Variants in GTF3C1 observed in about 807,000 individuals in gnomAD.
The protein encoded by GTF3C1 is general transcription factor 3C polypeptide 1.
In GTF3C1, 57 loss-of-function variants were observed where a neutral mutation model predicts 226.7. The ratio of observed to expected loss-of-function variants is 0.25; its 90% CI spans 0.20 to 0.31. GTF3C1 has a LOEUF of 0.31. Ranked by LOEUF, GTF3C1 falls within the 10% of genes least tolerant of loss-of-function variation. GTF3C1 has a pLI of 1.00. For missense variants in GTF3C1, 2,217 were observed against 2,776.1 expected (o/e 0.80, Z 4.53); for synonymous variants, 1,090 against 1,084.8 (o/e 1.00, Z -0.09).
At chr16:27,536,941 C>T (rs1211237623) in intron 4 of GTF3C1, among the ~76,000 whole-genome samples, 3 of 152,212 alleles carry the variant, frequency 2.0e-5, no homozygotes, top group Non-Finnish European at 4.4e-5. Context: ...AATTAGGTCA[C>T]CCCAATGGCA....
intron 7 of GTF3C1, among the ~76,000 whole-genome samples, 177 bp from the exon 8 acceptor site, chr16:27,508,832 A>C (rs928087338): frequency 6.6e-6 from 1 of 152,200 alleles, no homozygotes; most frequent in Admixed American, 6.5e-5. Context: ...CAAGCCTCTG[A>C]GTAATATACT....
At chr16:27,532,634 T>C (rs2088935464) in intron 5 of GTF3C1, among the ~76,000 whole-genome samples, 1 of 152,044 alleles carries the variant, frequency 6.6e-6, no homozygotes, top group Non-Finnish European at 1.5e-5. Context: ...CCCTGCGTCC[T>C]CTCCCCTCCC....
chr16:27,487,983 G>A (rs1004205630), intron 23 of GTF3C1, among the ~76,000 whole-genome samples: 8 of 152,108 alleles, frequency 5.3e-5, no homozygotes, highest in African/African-American at 1.7e-4. Context: ...CCTAAAGTCA[G>A]AAGCTCTAAA....
intron 11 of GTF3C1, among the ~76,000 whole-genome samples, chr16:27,502,614 C>T (rs1040060384): frequency 6.6e-6 from 1 of 152,208 alleles, no homozygotes; most frequent in Non-Finnish European, 1.5e-5. Flanking sequence ...GTCATTTTCT[C>T]TCTGTCTAGC....
At position 27,478,754 on chromosome 16, in the gene GTF3C1, CGACA is replaced by C. The variant is rs2087993052; in HGVS notation, c.4197-227_4197-224del. Among the ~76,000 whole-genome samples the C allele has an allele frequency of 2.6e-5, 4 of 151,172 alleles. 1 individual carries two copies. Among genetic ancestry groups the C allele is most frequent in the Admixed American group, 2.6e-4 (4 of 15,150 alleles). ...GAGAAAATGTGCAATGTTCACTCAC[CGACA>C]ATTATGTGGCAACACGGAAAAATGT... On this transcript the variant is annotated intron_variant, in intron 27 of 36. Transcript: ENST00000356183.
chr16:27,480,217 A>T (rs987950316), intron 27 of GTF3C1, among the ~76,000 whole-genome samples: 2 of 151,916 alleles, frequency 1.3e-5, no homozygotes, highest in African/African-American at 4.8e-5. Context: ...AAAAAAAAAA[A>T]AAAAAAAGTT....
At chr16:27,515,817 G>A (rs2088649484) in intron 6 of GTF3C1, among the ~76,000 whole-genome samples, 2 of 152,234 alleles carry the variant, frequency 1.3e-5, no homozygotes, top group Admixed American at 1.3e-4. Context: ...CTGGCATGGA[G>A]CAATCCCTCA....
Position 27,471,753 on chromosome 16 carries a change from G to A in GTF3C1, c.4521C>T (p.Tyr1507=), listed in dbSNP as rs907317832. 9 of 1,613,246 alleles carry A rather than the reference G, an allele frequency of 5.6e-6. No individual in the cohort carries two copies. Among genetic ancestry groups the A allele is most frequent in the Non-Finnish European group, 6.8e-6 (8 of 1,179,298 alleles). The part of the protein sequence containing the change: ...VPMSYQLSQT[Y]YRIFTWRFPS... ...GGCTCCTGACAGGTACTCACCTGTAGTAGGTCTGGGATAGCTGGTAGGACA... is the reference window on the plus strand; with the variant it reads ...GGCTCCTGACAGGTACTCACCTGTAATAGGTCTGGGATAGCTGGTAGGACA... The change falls in exon 30 of 37, where the codon TAC becomes TAT. Residue 1507 remains tyrosine, a synonymous_variant. Coordinates refer to ENST00000356183, the MANE Select transcript of GTF3C1 (RefSeq NM_001520.4). The surrounding 1 kb of genome is among the most constrained non-coding windows in gnomAD (Gnocchi z 5.0).
intron 1 of GTF3C1, among the ~76,000 whole-genome samples, chr16:27,546,487 A>G (rs1171055718): frequency 1.4e-3 from 28 of 20,122 alleles, no homozygotes; most frequent in African/African-American, 4.1e-3. Flanking sequence ...TTTTTTTTTG[A>G]AAAAAAAAAA....
At chr16:27,478,661 G>A (rs1384264851) in intron 27 of GTF3C1, 130 bp from the exon 28 acceptor site, 4 of 747,070 alleles carry the variant, frequency 5.4e-6, no homozygotes, top group South Asian at 1.4e-5. Flanking sequence ...CTCACCAAAT[G>A]TCGAGTGCTG....
chr16:27,509,281 G>C (rs923013788), intron 7 of GTF3C1, among the ~76,000 whole-genome samples: 9 of 152,166 alleles, frequency 5.9e-5, no homozygotes, highest in African/African-American at 1.9e-4. Context: ...ACAAGCTGGT[G>C]TATGTCAGGA....
chr16:27,469,565 T>G lies in GTF3C1; in HGVS notation c.4815-15A>C, dbSNP rs1567384984. 1 of 1,603,834 alleles carries G rather than the reference T, an allele frequency of 6.2e-7. No homozygotes were observed. On this transcript the variant is annotated splice_polypyrimidine_tract_variant and intron_variant, in intron 31 of 36. Transcript: ENST00000356183. This position sits in a 1 kb window ranked among gnomAD's most constrained non-coding sequence, Gnocchi z 4.5. ...CCTTCCCCAAGCTAGAAGGGAATTGTGACCTGGATACCTGAGCATAGGCCA... is the reference window on the plus strand; with the variant it reads ...CCTTCCCCAAGCTAGAAGGGAATTGGGACCTGGATACCTGAGCATAGGCCA...
At position 27,537,881 on chromosome 16, in the gene GTF3C1, T is replaced by A. The variant is rs1371410760; in HGVS notation, c.655A>T (p.Asn219Tyr). The change falls in exon 4 of 37, where the codon AAC becomes TAC. Residue 219 changes from asparagine (N) to tyrosine (Y), a missense_variant. Around this residue, in one of 12 missense-constraint regions of GTF3C1, gnomAD observed 163 missense variants for 234.3 expected, o/e 0.70. Transcript: ENST00000356183. ...LHYHRKILNK[N>Y]GLITMQSHVI... The stretch of plus-strand genomic sequence containing the variant: ...TGGGACTGCATTGTAATCAGCCCGT[T>A]TTTGTTCAAAATTTTTCTGTGATAG... 1 of 1,613,966 alleles carries A rather than the reference T, an allele frequency of 6.2e-7. No individual in the cohort carries two copies. Among genetic ancestry groups the A allele is most frequent in the Non-Finnish European group, 8.5e-7 (1 of 1,179,922 alleles).
At chr16:27,542,746 C>G (rs950799340) in intron 2 of GTF3C1, among the ~76,000 whole-genome samples, 22 of 152,082 alleles carry the variant, frequency 1.4e-4, no homozygotes, top group African/African-American at 5.1e-4. Flanking sequence ...TGATGTAAAG[C>G]AAGGATGTCC....
chr16:27,464,717 G>A lies in GTF3C1; in HGVS notation c.5475C>T (p.Ala1825=), dbSNP rs35870192. 200 of 1,595,550 alleles carry A rather than the reference G, an allele frequency of 1.3e-4. 1 individual carries two copies. The African/African-American group carries it at 1.8e-3, about 14-fold the overall frequency. Reference sequence around the variant, plus strand: ...CCTGGGGGTCTTCTCTCTGGATGTCGGCGTCTTCTCTGTCTTTCAGCCGCA... The same window carrying A: ...CCTGGGGGTCTTCTCTCTGGATGTCAGCGTCTTCTCTGTCTTTCAGCCGCA... The part of the protein sequence containing the change: ...HSVRLKDRED[A]DIQREDPQAR... The change falls in exon 34 of 37, where the codon GCC becomes GCT. Residue 1825 remains alanine, a synonymous_variant. Coordinates refer to ENST00000356183, the MANE Select transcript of GTF3C1 (RefSeq NM_001520.4).
At chr16:27,546,736 C>T (rs1353358662) in intron 1 of GTF3C1, among the ~76,000 whole-genome samples, 1 of 151,932 alleles carries the variant, frequency 6.6e-6, no homozygotes, top group Admixed American at 6.6e-5. Context: ...TCCTTCCTTG[C>T]CCCCTCTGTG....
chr16:27,478,175 GA>G lies in GTF3C1; in HGVS notation c.4259+293del, dbSNP rs928809772. Reference sequence around the variant, plus strand: ...GAAAGAGCAAGACTCCATCTCAAAAGAAAAAAAAAAGGAAAGAAAAAAAAAA... The same window carrying G: ...GAAAGAGCAAGACTCCATCTCAAAAGAAAAAAAAAGGAAAGAAAAAAAAAA... On this transcript the variant is annotated intron_variant, in intron 28 of 36. Transcript: ENST00000356183. Among the ~76,000 whole-genome samples, 5 of 139,690 alleles carry G rather than the reference GA, an allele frequency of 3.6e-5. No individual in the cohort carries two copies. The South Asian group carries it at 6.8e-4, about 19-fold the overall frequency. 91.6% of individuals were successfully genotyped at this position (139,690 alleles called of 152,430 possible).
chr16:27,506,995 A>G lies in GTF3C1; in HGVS notation c.1404T>C (p.Pro468=). Residue 468 remains proline, a synonymous_variant, in exon 9 of 37, where the codon CCT becomes CCC. Coordinates refer to ENST00000356183, the MANE Select transcript of GTF3C1 (RefSeq NM_001520.4). ...CAGAGAGGAAGGTGTCCTCGCCTTC[A>G]GGCAGAAGCGACTCCTCCTGCATAG... The part of the protein sequence containing the change: ...LASMQEESLL[P]EGEDTFLSES... 6.2e-7 allele frequency: 1 copy of G among 1,613,728 alleles called. No individual in the cohort carries two copies. Among genetic ancestry groups the G allele is most frequent in the African/African-American group, 1.3e-5 (1 of 74,942 alleles).
At chr16:27,547,629 C>T (rs2089184344) in intron 1 of GTF3C1, among the ~76,000 whole-genome samples, 1 of 152,124 alleles carries the variant, frequency 6.6e-6, no homozygotes, top group African/African-American at 2.4e-5. Context: ...TAGTCTGACC[C>T]TCTCTTCAGT....
Sources: gnomAD v4.1 joint callset for allele counts (sites outside exome capture counted in the v4.1 genomes callset) on GRCh38, gnomAD v4.1.1 for gene constraint, gnomAD v4.1.1 regional missense constraint, Gnocchi (gnomAD v3.1) non-coding constraint, MANE v1.5 for transcripts, NCBI Gene and HGNC (gene_info 2026-07-23, HGNC 2026-07-21) for gene names.